ROBO2: variants seen among roughly 807,000 people sequenced by gnomAD.
ROBO2 encodes the protein roundabout guidance receptor 2.
A neutral mutation model predicts 160.8 loss-of-function variants in ROBO2; 53 were observed. The ratio of observed to expected loss-of-function variants is 0.33; its 90% confidence interval spans 0.26 to 0.41. The LOEUF (loss-of-function observed/expected upper bound fraction) is 0.41, where lower values mean the gene tolerates loss of function less well. Ranked by LOEUF, ROBO2 falls within the 10% of genes least tolerant of loss-of-function variation. The pLI is 1.00. For synonymous variants in ROBO2, 664 were observed against 611.7 expected (o/e 1.09, Z -1.26); for missense variants, 1,577 against 1,722.4 (o/e 0.92, Z 1.49).
intron 1 of ROBO2, among the ~76,000 whole-genome samples, chr3:77,074,018 A>G (rs1466943597): frequency 2.0e-5 from 3 of 152,254 alleles, no homozygotes; most frequent in Admixed American, 1.3e-4. Context: ...AGTTTAATAG[A>G]AACGTGGAAG....
chr3:77,409,478 C>G (rs1451537423), intron 2 of ROBO2, among the ~76,000 whole-genome samples: 1 of 151,920 alleles, frequency 6.6e-6, no homozygotes, highest in Non-Finnish European at 1.5e-5. Flanking sequence ...GCAAAATTGC[C>G]AAGAGAGCAT....
intron 2 of ROBO2, among the ~76,000 whole-genome samples, chr3:76,893,165 T>A (rs2074483003): frequency 6.6e-6 from 1 of 152,122 alleles, no homozygotes; most frequent in Non-Finnish European, 1.5e-5. Context: ...TGAGTTATTT[T>A]TGCAATGTTA....
intron 2 of ROBO2, among the ~76,000 whole-genome samples, chr3:76,673,848 C>T (rs2092335296): frequency 6.6e-6 from 1 of 152,050 alleles, no homozygotes; most frequent in Admixed American, 6.6e-5. Context: ...TTAATTTTTT[C>T]ATTGATAATG....
intron 2 of ROBO2, among the ~76,000 whole-genome samples, chr3:76,735,776 GA>G (rs869192149): frequency 2.9e-4 from 5 of 17,002 alleles, no homozygotes; most frequent in East Asian, 2.6e-3. Flanking sequence ...AAAAAAAAAA[GA>G]AAAAAAAAAG....
intron 1 of ROBO2, among the ~76,000 whole-genome samples, chr3:75,910,601 A>G (rs568639093): frequency 2.2e-4 from 33 of 152,322 alleles, no homozygotes; most frequent in Admixed American, 9.8e-4. Context: ...GGAGTAGTAG[A>G]TGAAATTTAA....
At chr3:76,306,950 T>C (rs1050164835) in intron 2 of ROBO2, among the ~76,000 whole-genome samples, 20 of 152,218 alleles carry the variant, frequency 1.3e-4, no homozygotes, top group African/African-American at 4.8e-4. Flanking sequence ...CCCATTTTTT[T>C]AAACTCATTT....
At chr3:76,427,352 A>G (rs2108985267) in intron 2 of ROBO2, among the ~76,000 whole-genome samples, 1 of 152,176 alleles carries the variant, frequency 6.6e-6, no homozygotes, top group Middle Eastern at 3.4e-3. Context: ...ATGTAAAATG[A>G]TAGATATGAT....
chr3:76,536,097 T>C (rs954099119), intron 2 of ROBO2, among the ~76,000 whole-genome samples: 5 of 152,136 alleles, frequency 3.3e-5, no homozygotes, highest in African/African-American at 1.2e-4. Flanking sequence ...GTGGCCAGTT[T>C]TGTGGCATTT....
chr3:76,216,516 T>C (rs1470104045), intron 2 of ROBO2, among the ~76,000 whole-genome samples: 2 of 152,080 alleles, frequency 1.3e-5, no homozygotes, highest in Admixed American at 6.5e-5. Flanking sequence ...AATCCTAGTC[T>C]CTGATAAAAC....
At chr3:77,353,331 G>A (rs866531108) in intron 2 of ROBO2, among the ~76,000 whole-genome samples, 10 of 152,146 alleles carry the variant, frequency 6.6e-5, no homozygotes, top group East Asian at 1.9e-4. Flanking sequence ...TTATATCACC[G>A]TTCCTTGTTT....
At chr3:77,067,026 A>ACT (rs1411683342) in intron 1 of ROBO2, among the ~76,000 whole-genome samples, 1 of 131,238 alleles carries the variant, frequency 7.6e-6, no homozygotes, top group Non-Finnish European at 1.6e-5. Flanking sequence ...ACACACACAC[A>ACT]CTCACACACA....
chr3:76,319,334 G>A (rs762047550), intron 2 of ROBO2, among the ~76,000 whole-genome samples: 10 of 152,066 alleles, frequency 6.6e-5, no homozygotes, highest in African/African-American at 1.4e-4. Flanking sequence ...TTTGAAATCC[G>A]TATATTAAGT....
chr3:77,321,353 C>T (rs1038576554), intron 2 of ROBO2, among the ~76,000 whole-genome samples: 3 of 151,898 alleles, frequency 2.0e-5, no homozygotes, highest in African/African-American at 7.3e-5. Context: ...CCCATCTCCA[C>T]AAAATATTAA....
chr3:77,265,651 C>A (rs536392954), intron 2 of ROBO2, among the ~76,000 whole-genome samples: 18 of 152,226 alleles, frequency 1.2e-4, no homozygotes, highest in Middle Eastern at 3.4e-3. Context: ...TTGACAATTT[C>A]ATCTTGACCA....
intron 1 of ROBO2, among the ~76,000 whole-genome samples, chr3:75,921,298 T>C (rs1349581754): frequency 1.7e-3 from 4 of 2,386 alleles, no homozygotes; most frequent in Non-Finnish European, 4.3e-3. Flanking sequence ...GAAGCTTAGT[T>C]TGGCTGGTTA....
intron 2 of ROBO2, among the ~76,000 whole-genome samples, chr3:77,425,807 G>T (rs2078144712): frequency 6.6e-6 from 1 of 151,778 alleles, no homozygotes; most frequent in Admixed American, 6.6e-5. Context: ...GGAATTACAG[G>T]CATTCGACAC....
Position 75,942,318 on chromosome 3 carries a change from G to T in ROBO2, c.109+4716G>T, listed in dbSNP as rs972207632. On this transcript the variant is annotated intron_variant, in intron 2 of 26. Coordinates refer to the ROBO2 transcript ENST00000487694. ...AATTGAATATTGCTTCGAGAGAGGT[G>T]AGCTCAGACATTTGGCAATGAATAT... Among the ~76,000 whole-genome samples the T allele has an allele frequency of 7.9e-5, 12 of 152,088 alleles. No homozygotes were observed. The East Asian group carries it at 2.3e-3, about 29-fold the overall frequency.
intron 1 of ROBO2, among the ~76,000 whole-genome samples, chr3:75,922,629 A>C (rs1032411428): frequency 2.0e-5 from 3 of 152,094 alleles, no homozygotes; most frequent in Non-Finnish European, 2.9e-5. Flanking sequence ...CCTATTGTTA[A>C]ACAAAATGCA....
chr3:76,869,324 T>A (rs2071722608), intron 2 of ROBO2, among the ~76,000 whole-genome samples: 2 of 150,094 alleles, frequency 1.3e-5, no homozygotes, highest in East Asian at 2.0e-4. Flanking sequence ...ATATTTTATG[T>A]GCCTAGTAGA....
Sources: allele counts gnomAD v4.1 joint callset (sites outside exome capture counted in the v4.1 genomes callset), GRCh38; gene constraint gnomAD v4.1.1; transcripts MANE v1.5; gene names NCBI Gene and HGNC (gene_info 2026-07-23, HGNC 2026-07-21).